The following HELZ2 variants were observed in gnomAD, a reference collection of about 807,000 sequenced individuals.
HELZ2 encodes the protein helicase with zinc finger 2, also known as 3'-5' exoribonuclease HELZ2.
In HELZ2, 143 loss-of-function variants were observed where a neutral mutation model predicts 208.8. The ratio of observed to expected loss-of-function variants is 0.68; its 90% CI spans 0.60 to 0.79. The LOEUF is 0.79. Among genes scored for constraint, HELZ2 ranks in the 30% least tolerant of loss-of-function variants. The probability of loss-of-function intolerance (pLI) is 0.00; values close to 1 mark genes in which losing one functional copy is unlikely to be tolerated. For synonymous variants in HELZ2, 1,705 were observed against 1,693.7 expected, an observed-to-expected ratio of 1.01 and a Z score of -0.16; for missense variants, 3,690 against 3,794.5, an observed-to-expected ratio of 0.97 and a Z score of 0.72.
downstream of HELZ2, chr20:63,559,173 G>C: frequency 2.8e-6 from 4 of 1,426,162 alleles, no homozygotes; most frequent in South Asian, 5.7e-5. Flanking sequence ...TGATGGCGGA[G>C]GGTGGTGGGG....
chr20:63,569,121 C>T (rs755543801), intron 4 of HELZ2, 27 bp downstream of exon 5: 3 of 1,575,026 alleles, frequency 1.9e-6, no homozygotes, highest in Non-Finnish European at 2.6e-6. Context: ...CCTGCTACCC[C>T]AGCTGCTCCT....
At chr20:63,562,744 G>A in exon 8 of HELZ2, 2 of 1,604,190 alleles carry the variant, frequency 1.2e-6, no homozygotes, top group African/African-American at 2.7e-5. Context: ...CGAGGCTGCT[G>A]GGCCCAGGGC....
chr20:63,570,381 G>C, intron 3 of HELZ2, 123 bp downstream of exon 4: 1 of 792,392 alleles, frequency 1.3e-6, no homozygotes, highest in Non-Finnish European at 2.2e-6. Context: ...TGCAGGTCAC[G>C]CAGGTGCTGA....
upstream of HELZ2, among the ~76,000 whole-genome samples, chr20:63,573,985 G>T (rs1284362361): frequency 6.6e-6 from 1 of 152,104 alleles, no homozygotes; most frequent in Non-Finnish European, 1.5e-5. The surrounding 1 kb of genome is among the most constrained non-coding windows in gnomAD (Gnocchi z 4.9). Flanking sequence ...GCTGCGGAGG[G>T]TGCTGGTCCT....
At chr20:63,566,078 G>C (rs2082953340) in exon 8 of HELZ2, 1 of 1,587,026 alleles carries the variant, frequency 6.3e-7, no homozygotes, top group East Asian at 2.3e-5. Context: ...GAGGGCCACG[G>C]CGTCCCCCAC....
At chr20:63,572,524 G>T, upstream of HELZ2, 1 of 943,524 alleles carries the variant, frequency 1.1e-6, no homozygotes, top group Non-Finnish European at 1.5e-6. Flanking sequence ...GCTTGCGGCG[G>T]CCCTCGGCGC....
At chr20:63,567,016 A>G (rs749913319) in exon 6 of HELZ2, 3 of 1,611,190 alleles carry the variant, frequency 1.9e-6, no homozygotes, top group Non-Finnish European at 1.7e-6. Context: ...GTGGCAGAAC[A>G]TGAGCGGGTA....
At chr20:63,562,552 G>T in exon 8 of HELZ2, 1 of 1,595,132 alleles carries the variant, frequency 6.3e-7, no homozygotes, top group East Asian at 2.3e-5. Flanking sequence ...GCAGCTCAAC[G>T]GTGAACAGGG....
At chr20:63,567,962 G>T in intron 5 of HELZ2, 1 of 537,096 alleles carries the variant, frequency 1.9e-6, no homozygotes, top group African/African-American at 1.9e-5. Context: ...GGCAGGGATG[G>T]GAAGGCCCCG....
At chr20:63,566,823 T>C (rs1600979260) in intron 6 of HELZ2, 21 bp downstream of exon 7, 1 of 1,575,284 alleles carries the variant, frequency 6.3e-7, no homozygotes, top group Admixed American at 1.7e-5. Context: ...TCGGGGGCTG[T>C]CCCGGGCTGG....
intron 9 of HELZ2, 35 bp from the exon 11 acceptor site, chr20:63,562,238 G>A (rs769198394): frequency 7.3e-5 from 117 of 1,606,690 alleles, no homozygotes; most frequent in Middle Eastern, 3.3e-4. Flanking sequence ...CACTCATGCA[G>A]GGTGGGGCTG....
At position 63,560,337 on chromosome 20, in the gene HELZ2, C is replaced by T. The variant is rs948864308; in HGVS notation, c.7501-10G>A. Reference sequence around the variant, plus strand: ...GCTTGGTGATACGGACCTGAGGAGCCGAGGGGGCAGGTGGAGCGGACCCTG... The same window carrying T: ...GCTTGGTGATACGGACCTGAGGAGCTGAGGGGGCAGGTGGAGCGGACCCTG... On this transcript the variant is annotated splice_polypyrimidine_tract_variant and intron_variant, in intron 16 of 18. Coordinates refer to ENST00000467148, the Ensembl canonical transcript of HELZ2. 7 of 1,552,474 alleles carry T rather than the reference C, an allele frequency of 4.5e-6. No homozygotes were observed. Among genetic ancestry groups the T allele is most frequent in the South Asian group, 2.4e-5 (2 of 83,080 alleles).
chr20:63,562,363 G>T, exon 9 of HELZ2: 1 of 1,591,112 alleles, frequency 6.3e-7, no homozygotes, highest in Non-Finnish European at 8.5e-7. Context: ...TCTAGTCCAC[G>T]CACGGCTTCC....
exon 19 of HELZ2, chr20:63,559,354 C>A: frequency 6.3e-7 from 1 of 1,598,590 alleles, no homozygotes; most frequent in Non-Finnish European, 8.5e-7. Context: ...GGCAGCAGCG[C>A]AGAAGGAGGT....
Position 63,569,284 on chromosome 20 carries a change from A to G in HELZ2, c.952T>C (p.Tyr318His), listed in dbSNP as rs1453484759. 4 of 1,576,400 alleles carry G rather than the reference A, an allele frequency of 2.5e-6. No individual in the cohort carries two copies. The Admixed American group carries it at 7.2e-5, about 29-fold the overall frequency. ...TCCAGGGCCAGGGCAGGGCCCTTGT[A>G]CTTGGCCATCAGGGCCGTCTGCTCG... Residue 318 changes from tyrosine to histidine, a missense_variant, in exon 4 of 19, where the codon TAC (tyrosine) becomes CAC (histidine). Tyr to His is a moderately conservative substitution (Grantham distance 83). Transcript: ENST00000467148.
rs769966070 is a variant in HELZ2 at position 63,569,051 on chromosome 20, G to A, written c.1089-52C>T. On this transcript the variant is annotated intron_variant, in intron 4 of 18. Transcript: ENST00000467148. Reference sequence around the variant, plus strand: ...TGGGGCCACAGCTGCCAGCCCCGCTGCCAAGTCCACGCCCCCATCCGCTCC... The same window carrying A: ...TGGGGCCACAGCTGCCAGCCCCGCTACCAAGTCCACGCCCCCATCCGCTCC... 14 of 1,595,858 alleles carry A rather than the reference G, an allele frequency of 8.8e-6. No individual in the cohort carries two copies. In the Admixed American group the frequency reaches 1.9e-4, roughly 22 times the overall value.
chr20:63,559,882 G>T, intron 18 of HELZ2, 46 bp downstream of exon 19: 2 of 1,592,412 alleles, frequency 1.3e-6, no homozygotes, highest in Non-Finnish European at 1.7e-6. Flanking sequence ...CCCAGCCCTG[G>T]CCTCACCTGT....
chr20:63,563,876 C>T (rs760582662), exon 8 of HELZ2: 79 of 1,596,824 alleles, frequency 4.9e-5, no homozygotes, highest in South Asian at 2.7e-4. Flanking sequence ...CCGGGCGCAG[C>T]GGCCGAACGC....
upstream of HELZ2, among the ~76,000 whole-genome samples, chr20:63,573,787 G>A (rs1361220354): frequency 1.3e-5 from 2 of 152,110 alleles, no homozygotes; most frequent in Admixed American, 6.5e-5. The surrounding 1 kb of genome is among the most constrained non-coding windows in gnomAD (Gnocchi z 4.9). Context: ...GGTCCCCACC[G>A]CAGCTGGGAT....
Sources: gnomAD v4.1 joint callset for allele counts (sites outside exome capture counted in the v4.1 genomes callset) on GRCh38, gnomAD v4.1.1 for gene constraint, Gnocchi (gnomAD v3.1) non-coding constraint, MANE v1.5 for transcripts, NCBI Gene and HGNC (gene_info 2026-07-23, HGNC 2026-07-21) for gene names.